KCNK9: variants seen among roughly 807,000 people sequenced by gnomAD.
KCNK9 encodes the protein potassium channel subfamily K member 9.
KCNK9 carries 1 observed loss-of-function variant against 10.8 expected under a neutral mutation model. The observed-to-expected ratio is 0.09, with a 90% CI of 0.03 to 0.44. The LOEUF (loss-of-function observed/expected upper bound fraction) is 0.44, where lower values mean the gene tolerates loss of function less well. Among genes scored for constraint, KCNK9 ranks in the 20% least tolerant of loss-of-function variants. KCNK9 has a pLI of 0.97. For synonymous variants in KCNK9, 231 were observed against 222.7 expected, an observed-to-expected ratio of 1.04 and a Z score of -0.33; for missense variants, 303 against 515.0, an observed-to-expected ratio of 0.59 and a Z score of 3.98.
At chr8:139,690,053 C>G (rs1477733392) in intron 1 of KCNK9, among the ~76,000 whole-genome samples, 1 of 152,176 alleles carries the variant, frequency 6.6e-6, no homozygotes, top group Non-Finnish European at 1.5e-5. Context: ...AGACTGTGAA[C>G]AGTAATAGAT....
At chr8:139,678,652 C>T (rs1816616251) in intron 1 of KCNK9, among the ~76,000 whole-genome samples, 1 of 152,250 alleles carries the variant, frequency 6.6e-6, no homozygotes, top group Non-Finnish European at 1.5e-5. Context: ...AACTCCACAG[C>T]CAGTTCCAAG....
intron 1 of KCNK9, among the ~76,000 whole-genome samples, chr8:139,697,597 T>G (rs1586700137): frequency 6.6e-6 from 1 of 152,032 alleles, no homozygotes; most frequent in Non-Finnish European, 1.5e-5. Flanking sequence ...AGGTGTATAC[T>G]GGGGCCTGTT....
downstream of KCNK9, among the ~76,000 whole-genome samples, chr8:139,610,957 C>A (rs1814405425): frequency 1.3e-5 from 2 of 152,264 alleles, no homozygotes; most frequent in Admixed American, 1.3e-4. Flanking sequence ...TTGGCCCATG[C>A]CTTTGCCTGA....
chr8:139,636,307 G>A (rs1000713106), intron 1 of KCNK9, among the ~76,000 whole-genome samples: 11 of 152,158 alleles, frequency 7.2e-5, no homozygotes, highest in East Asian at 5.8e-4. Context: ...TGAGATGCCC[G>A]CCCTCTTCTC....
intron 1 of KCNK9, among the ~76,000 whole-genome samples, chr8:139,670,221 G>A (rs1172928886): frequency 6.6e-6 from 1 of 152,108 alleles, no homozygotes; most frequent in Admixed American, 6.5e-5. Flanking sequence ...GTGGTTCCTG[G>A]TGCCCCCAGA....
downstream of KCNK9, among the ~76,000 whole-genome samples, chr8:139,615,390 C>A (rs887793258): frequency 6.6e-6 from 1 of 152,134 alleles, no homozygotes; most frequent in Non-Finnish European, 1.5e-5. Flanking sequence ...CTGTTTAGTG[C>A]TGTTTTATTA....
chr8:139,645,779 G>T (rs1815656981), intron 1 of KCNK9, among the ~76,000 whole-genome samples: 1 of 152,320 alleles, frequency 6.6e-6, no homozygotes, highest in South Asian at 2.1e-4. Context: ...CCCAAGCGGT[G>T]CACAGGAGGA....
At chr8:139,612,800 G>GTT (rs142827596), downstream of KCNK9, 3 of 151,692 alleles carry the variant, frequency 2.0e-5, no homozygotes, top group African/African-American at 7.3e-5. Flanking sequence ...ACGCTGTTGG[G>GTT]TTTTTTTTGC....
chr8:139,608,970 G>A (rs1210837904), downstream of KCNK9, among the ~76,000 whole-genome samples: 2 of 152,032 alleles, frequency 1.3e-5, no homozygotes, highest in Non-Finnish European at 2.9e-5. Context: ...TCTAATGCCT[G>A]CTGATGTGAA....
At chr8:139,646,474 G>A (rs1167467417) in intron 1 of KCNK9, among the ~76,000 whole-genome samples, 2 of 152,224 alleles carry the variant, frequency 1.3e-5, no homozygotes, top group African/African-American at 2.4e-5. Context: ...GGCCTCCAGG[G>A]GCAAGCCCCA....
intron 1 of KCNK9, among the ~76,000 whole-genome samples, chr8:139,678,455 G>T (rs16911191): frequency 0.13 from 19,924 of 152,234 alleles, 1,330 homozygotes; most frequent in Middle Eastern, 0.18. Flanking sequence ...CTCTTGGTCA[G>T]CACCCAGCTC....
intron 1 of KCNK9, among the ~76,000 whole-genome samples, chr8:139,629,489 T>G (rs923603574): frequency 6.6e-6 from 1 of 152,208 alleles, no homozygotes; most frequent in African/African-American, 2.4e-5. Context: ...ACAAACGTGG[T>G]CCATGTGTAC....
At position 139,618,974 on chromosome 8, in the gene KCNK9, G is replaced by A. The variant is rs763947917; in HGVS notation, c.409C>T (p.Arg137Cys). ...SLGERMNTFV[R>C]YLLKRIKKCC... ...TTCTTAATGCGCTTCAGCAGGTAGCGCACGAAGGTGTTCATGCGCTCGCCC... is the reference window on the plus strand; with the variant it reads ...TTCTTAATGCGCTTCAGCAGGTAGCACACGAAGGTGTTCATGCGCTCGCCC... The change falls in exon 2 of 2, where the codon CGC becomes TGC. Residue 137 changes from arginine (R) to cysteine (C), a missense_variant. By Grantham distance (180) the Arg-to-Cys change is radical. Coordinates refer to ENST00000520439, the MANE Select transcript of KCNK9 (RefSeq NM_001282534.2). This position sits in a 1 kb window ranked among gnomAD's most constrained non-coding sequence, Gnocchi z 7.9. The A allele has an allele frequency of 3.7e-6, 6 of 1,614,084 alleles. No individual in the cohort carries two copies. Among genetic ancestry groups the A allele is most frequent in the Non-Finnish European group, 5.1e-6 (6 of 1,180,038 alleles).
intron 1 of KCNK9, among the ~76,000 whole-genome samples, chr8:139,689,889 G>C (rs759302150): frequency 1.8e-4 from 28 of 152,086 alleles, no homozygotes; most frequent in Admixed American, 3.3e-4. Context: ...TGATCTGCCC[G>C]TCTCAGCTCC....
At chr8:139,675,732 A>G (rs1816534460) in intron 1 of KCNK9, among the ~76,000 whole-genome samples, 1 of 151,310 alleles carries the variant, frequency 6.6e-6, no homozygotes, top group Admixed American at 6.6e-5. Context: ...TAGAGAGCTT[A>G]GAGAGCTTAT....
chr8:139,690,269 C>T (rs1215995075), intron 1 of KCNK9, among the ~76,000 whole-genome samples: 3 of 152,168 alleles, frequency 2.0e-5, no homozygotes, highest in Non-Finnish European at 4.4e-5. Context: ...TCTAGATCCT[C>T]ATCTGTAAAA....
Position 139,660,599 on chromosome 8 carries a change from C to A in KCNK9, c.284-41500G>T, listed in dbSNP as rs57161489. Among the ~76,000 whole-genome samples, 1,200 of 151,286 alleles carry A rather than the reference C, an allele frequency of 7.9e-3. 14 individuals are homozygous for A. Among genetic ancestry groups the A allele is most frequent in the African/African-American group, 0.028 (1,147 of 41,194 alleles). On this transcript the variant is annotated intron_variant, in intron 1 of 1. Transcript: ENST00000520439. Reference sequence around the variant, plus strand: ...TTGCACCACTGCAATCCAGCCTGGGCGACAGAGGGACACCCTGTCTTTAAA... The same window carrying A: ...TTGCACCACTGCAATCCAGCCTGGGAGACAGAGGGACACCCTGTCTTTAAA...
intron 1 of KCNK9, among the ~76,000 whole-genome samples, chr8:139,698,826 G>A (rs558340033): frequency 1.3e-5 from 2 of 152,302 alleles, no homozygotes; most frequent in East Asian, 1.9e-4. Context: ...TTAAGGTGCC[G>A]TTTATGAATG....
intron 1 of KCNK9, among the ~76,000 whole-genome samples, chr8:139,677,959 C>T (rs1188020284): frequency 1.1e-4 from 16 of 144,088 alleles, no homozygotes; most frequent in African/African-American, 1.8e-4. Context: ...TGAGTCCCTA[C>T]AGCTGCAGAG....
Sources: allele counts gnomAD v4.1 joint callset (sites outside exome capture counted in the v4.1 genomes callset), GRCh38; gene constraint gnomAD v4.1.1; non-coding constraint Gnocchi (gnomAD v3.1); transcripts MANE v1.5; gene names NCBI Gene and HGNC (gene_info 2026-07-23, HGNC 2026-07-21).